Variants in PRKN observed in about 807,000 individuals in gnomAD.
The protein encoded by PRKN is E3 ubiquitin-protein ligase parkin.
A neutral mutation model predicts 59.5 loss-of-function variants in PRKN; 56 were observed. The observed-to-expected ratio is 0.94, with a 90% CI of 0.76 to 1.18. The LOEUF is 1.18. Ranked by LOEUF, PRKN falls within the 50% of genes most tolerant of loss-of-function variation. PRKN has a pLI of 0.00. For synonymous variants in PRKN, 250 were observed against 222.1 expected, an observed-to-expected ratio of 1.13 and a Z score of -1.12; for missense variants, 657 against 596.4, an observed-to-expected ratio of 1.10 and a Z score of -1.06.
intron 10 of PRKN, among the ~76,000 whole-genome samples, chr6:161,366,368 A>G (rs1785198868): frequency 6.6e-6 from 1 of 152,126 alleles, no homozygotes; most frequent in Non-Finnish European, 1.5e-5. Context: ...CACGTGAGCC[A>G]AGGAGTCAAG....
intron 7 of PRKN, among the ~76,000 whole-genome samples, chr6:161,769,545 A>T (rs958950477): frequency 6.6e-6 from 1 of 152,100 alleles, no homozygotes; most frequent in African/African-American, 2.4e-5. Flanking sequence ...GTCCGCCTAA[A>T]TTCCTCTTTT....
chr6:162,140,497 AATGTGTGTGTGTAT>A (rs1263944590), intron 4 of PRKN, among the ~76,000 whole-genome samples: 2 of 152,062 alleles, frequency 1.3e-5, no homozygotes, highest in African/African-American at 4.8e-5. Flanking sequence ...TGAGGGAGAG[AATGTGTGTGTGTAT>A]ATGTGTGTGT....
intron 7 of PRKN, among the ~76,000 whole-genome samples, chr6:161,780,199 T>C (rs1790144491): frequency 6.6e-6 from 1 of 152,200 alleles, no homozygotes; most frequent in African/African-American, 2.4e-5. Flanking sequence ...CCCTGTATTA[T>C]GTATATAGTA....
chr6:162,321,681 C>A (rs1378985142), intron 2 of PRKN, among the ~76,000 whole-genome samples: 1 of 151,688 alleles, frequency 6.6e-6, no homozygotes, highest in East Asian at 1.9e-4. Context: ...GGGGTTTCAC[C>A]CAAGAATGCA....
chr6:161,954,751 A>G (rs1376853978), intron 6 of PRKN, among the ~76,000 whole-genome samples: 1 of 152,218 alleles, frequency 6.6e-6, no homozygotes, highest in African/African-American at 2.4e-5. Flanking sequence ...GAACTAAATT[A>G]CAGTTTGTTG....
chr6:161,840,780 T>C (rs1198076423), intron 6 of PRKN, among the ~76,000 whole-genome samples: 1 of 152,136 alleles, frequency 6.6e-6, no homozygotes, highest in Non-Finnish European at 1.5e-5. Context: ...GCAAGGGAAA[T>C]GGTCTCATTC....
chr6:161,522,520 T>C (rs1778867710), intron 9 of PRKN, among the ~76,000 whole-genome samples: 1 of 152,208 alleles, frequency 6.6e-6, no homozygotes, highest in African/African-American at 2.4e-5. Flanking sequence ...GATCCCAGCA[T>C]GCCAAGCCAA....
intron 1 of PRKN, among the ~76,000 whole-genome samples, chr6:162,701,467 T>G (rs1778149340): frequency 6.6e-6 from 1 of 151,586 alleles, no homozygotes; most frequent in South Asian, 2.1e-4. Flanking sequence ...AAATTTGAGA[T>G]GCATTGCAAA....
At chr6:162,380,509 G>GTATA (rs34461270) in intron 2 of PRKN, among the ~76,000 whole-genome samples, 2 of 41,642 alleles carry the variant, frequency 4.8e-5, no homozygotes, top group African/African-American at 9.0e-5. Flanking sequence ...ATATATGTGT[G>GTATA]TATATATATA....
intron 4 of PRKN, among the ~76,000 whole-genome samples, chr6:162,135,102 C>A (rs150863797): frequency 6.6e-6 from 1 of 152,100 alleles, no homozygotes; most frequent in Non-Finnish European, 1.5e-5. Context: ...ACAAAATATA[C>A]TATTTTTAGG....
At chr6:162,422,378 T>C (rs1789015582) in intron 2 of PRKN, among the ~76,000 whole-genome samples, 1 of 152,150 alleles carries the variant, frequency 6.6e-6, no homozygotes, top group Non-Finnish European at 1.5e-5. Flanking sequence ...GCATCATTGA[T>C]AGAAATGCAT....
rs1421783947 is a variant in PRKN at position 161,575,271 on chromosome 6, A to G, written c.872-5855T>C. ...CAATTAGTATCTGTAATCAACATTT[A>G]CTTTTATTCTGTTGCTATACCATAA... On this transcript the variant is annotated intron_variant, in intron 7 of 11. Coordinates refer to ENST00000366898, the MANE Select transcript of PRKN (RefSeq NM_004562.3). The surrounding 1 kb of genome is among the most constrained non-coding windows in gnomAD (Gnocchi z 4.6). Among the ~76,000 whole-genome samples, 1 of 152,196 alleles carries G rather than the reference A, an allele frequency of 6.6e-6. No homozygotes were observed.
chr6:161,498,636 T>C lies in PRKN; in HGVS notation c.1083+50218A>G, dbSNP rs1021734150. 8.5e-5 allele frequency among the ~76,000 whole-genome samples: 13 copies of C among 152,184 alleles called. No individual in the cohort carries two copies. The highest frequency in any genetic ancestry group is 3.1e-4 in the African/African-American group (13 of 41,442). Reference sequence around the variant, plus strand: ...CCATCCCTCCCACCATCCTGCTTCCTGAAGGAAGGGCTCCACCTGCCGACC... The same window carrying C: ...CCATCCCTCCCACCATCCTGCTTCCCGAAGGAAGGGCTCCACCTGCCGACC... On this transcript the variant is annotated intron_variant, in intron 9 of 11. Coordinates refer to ENST00000366898, the MANE Select transcript of PRKN (RefSeq NM_004562.3). The surrounding 1 kb of genome is among the most constrained non-coding windows in gnomAD (Gnocchi z 4.2).
Position 161,378,560 on chromosome 6 carries a change from C to T in PRKN, c.1167+8234G>A, listed in dbSNP as rs139419417. Among the ~76,000 whole-genome samples the T allele has an allele frequency of 6.6e-6, 1 of 152,316 alleles. No individual in the cohort carries two copies. The highest frequency in any genetic ancestry group is 1.5e-5 in the Non-Finnish European group (1 of 68,036). ...CTTTTCTGGGTGTGGGTTTGCCTTTCTTGGCAACAGAGCCTCAGCCAGCAC... is the reference window on the plus strand; with the variant it reads ...CTTTTCTGGGTGTGGGTTTGCCTTTTTTGGCAACAGAGCCTCAGCCAGCAC... On this transcript the variant is annotated intron_variant, in intron 10 of 11. Coordinates refer to ENST00000366898, the MANE Select transcript of PRKN (RefSeq NM_004562.3). This position sits in a 1 kb window ranked among gnomAD's most constrained non-coding sequence, Gnocchi z 7.3.
chr6:161,578,144 G>T lies in PRKN; in HGVS notation c.872-8728C>A, dbSNP rs1781204640. 6.6e-6 allele frequency among the ~76,000 whole-genome samples: 1 copy of T among 152,024 alleles called. No homozygotes were observed. The highest frequency in any genetic ancestry group is 2.1e-4 in the South Asian group (1 of 4,824). ...GAGCAACCAAAGAGGTATAAAAAAA[G>T]AAAAAGAGGAGGTGGCTTGGAATCA... On this transcript the variant is annotated intron_variant, in intron 7 of 11. Transcript: ENST00000366898. This position sits in a 1 kb window ranked among gnomAD's most constrained non-coding sequence, Gnocchi z 4.2.
intron 2 of PRKN, among the ~76,000 whole-genome samples, chr6:162,379,502 T>C (rs1356052376): frequency 6.6e-6 from 1 of 152,322 alleles, no homozygotes; most frequent in East Asian, 1.9e-4. Context: ...TCAACTATCT[T>C]ACTACTTCAA....
intron 2 of PRKN, among the ~76,000 whole-genome samples, chr6:162,437,069 G>C (rs935509632): frequency 1.3e-5 from 2 of 150,628 alleles, no homozygotes; most frequent in Non-Finnish European, 2.9e-5. Flanking sequence ...TCCAGCCTGG[G>C]CGACAGAGCG....
intron 6 of PRKN, among the ~76,000 whole-genome samples, chr6:161,932,314 TA>T (rs1232098872): frequency 6.6e-6 from 1 of 152,104 alleles, no homozygotes; most frequent in East Asian, 1.9e-4. Context: ...TTTAAGATCA[TA>T]AAAAATATAA....
At chr6:161,597,565 A>T (rs1291034994) in intron 7 of PRKN, among the ~76,000 whole-genome samples, 2 of 152,178 alleles carry the variant, frequency 1.3e-5, no homozygotes, top group Admixed American at 1.3e-4. Context: ...AGATTCTTCC[A>T]CATTCCCGGA....
Sources: allele counts gnomAD v4.1 joint callset (sites outside exome capture counted in the v4.1 genomes callset), GRCh38; gene constraint gnomAD v4.1.1; non-coding constraint Gnocchi (gnomAD v3.1); transcripts MANE v1.5; gene names NCBI Gene and HGNC (gene_info 2026-07-23, HGNC 2026-07-21).